Variants in ADCY10 observed in about 807,000 individuals in gnomAD.
ADCY10 encodes adenylate cyclase 10, also known as adenylate cyclase type 10.
ADCY10 carries 156 observed loss-of-function variants against 183.3 expected under a neutral mutation model. That is an observed-to-expected ratio of 0.85 (90% confidence interval 0.75 to 0.97). The LOEUF (loss-of-function observed/expected upper bound fraction) is 0.97. ADCY10 is among the 50% of genes least tolerant of loss of function. The probability of loss-of-function intolerance (pLI) is 0.00; values close to 1 mark genes in which losing one functional copy is unlikely to be tolerated. For synonymous variants in ADCY10, 645 were observed against 670.0 expected (o/e 0.96, Z 0.58); for missense variants, 1,745 against 1,934.3 (o/e 0.90, Z 1.84).
intron 1 of ADCY10, among the ~76,000 whole-genome samples, chr1:167,910,999 C>T (rs73024112): frequency 0.08 from 12,246 of 152,270 alleles, 581 homozygotes; most frequent in Middle Eastern, 0.11. Context: ...GGCAATACCA[C>T]ACTCTCCTCA....
chr1:167,908,639 AC>A (rs1284140659), intron 1 of ADCY10, among the ~76,000 whole-genome samples: 1 of 152,240 alleles, frequency 6.6e-6, no homozygotes, highest in Non-Finnish European at 1.5e-5. Flanking sequence ...ATATATTAAA[AC>A]ATCACATTGT....
At position 167,870,314 on chromosome 1, in the gene ADCY10, T is replaced by C. The variant is rs1421126739; in HGVS notation, c.1559A>G (p.Tyr520Cys). 10 of 1,614,002 alleles carry C rather than the reference T, an allele frequency of 6.2e-6. No homozygotes were observed. The highest frequency in any genetic ancestry group is 8.5e-6 in the Non-Finnish European group (10 of 1,180,026). The change falls in exon 14 of 33, where the codon TAT (tyrosine) becomes TGT (cysteine). Residue 520 changes from tyrosine (Y) to cysteine (C), a missense_variant. By Grantham distance (194) the Tyr-to-Cys change is radical. Transcript: ENST00000367851. ...TTTCATAAGTATCTGGCTTTTTCCA[T>C]ATCCTGGTAATCCCTCATACATTAA... ...QVLMYEGLPG[Y>C]GKSQILMKIE...
rs758043012 is a variant in ADCY10, at chr1:167,856,281, G to A, written c.2055C>T (p.Ala685=). 1.4e-5 allele frequency: 22 copies of A among 1,613,706 alleles called. No individual in the cohort carries two copies. The highest frequency in any genetic ancestry group is 1.6e-4 in the Middle Eastern group (1 of 6,080). Residue 685 remains alanine (A), a synonymous_variant, in exon 17 of 33, where the codon GCC becomes GCT. Transcript: ENST00000367851. ...AGGTGGTGTTCCTGTTCTTTATTAC[G>A]GCCCTGGCAGCTGCACAGGGAATGT... is the stretch of plus-strand genomic sequence containing the variant. The part of the protein sequence containing the change: ...FVNIPCAAAR[A]VIKNRNTTYI...
chr1:167,904,952 G>GTTGCTCA, intron 2 of ADCY10, 41 bp downstream of exon 2: 1 of 1,614,006 alleles, frequency 6.2e-7, no homozygotes, highest in Non-Finnish European at 8.5e-7. Flanking sequence ...ACGCGAGCCT[G>GTTGCTCA]TTGCTCATCC....
rs140966858 is a variant in ADCY10 at position 167,842,469 on chromosome 1, G to A, written c.3007+3094C>T. Among the ~76,000 whole-genome samples the A allele has an allele frequency of 3.9e-4, 60 of 152,078 alleles. 3 individuals are homozygous for A. In the East Asian group the frequency reaches 0.011, roughly 28 times the overall value. On this transcript the variant is annotated intron_variant, in intron 21 of 32. Transcript: ENST00000367851. ...AGCCACCACACTTGGTCCCAATTAT[G>A]TCCTTGACCAGTATTGCCTAAAGGT...
intron 8 of ADCY10, among the ~76,000 whole-genome samples, chr1:167,883,883 A>G (rs1249871588): frequency 3.3e-5 from 5 of 152,222 alleles, no homozygotes; most frequent in Non-Finnish European, 5.9e-5. Flanking sequence ...TGGCTTCCTC[A>G]TGCCAATATG....
intron 14 of ADCY10, among the ~76,000 whole-genome samples, chr1:167,868,581 A>G (rs894052698): frequency 3.3e-5 from 5 of 152,052 alleles, no homozygotes; most frequent in Non-Finnish European, 5.9e-5. Context: ...ACTAGGCTAT[A>G]CTGGATACGT....
chr1:167,878,075 CTT>C (rs1306259365), intron 12 of ADCY10, among the ~76,000 whole-genome samples: 7 of 152,192 alleles, frequency 4.6e-5, no homozygotes, highest in Non-Finnish European at 8.8e-5. Flanking sequence ...ATCTTATACT[CTT>C]TTAACCCTAA....
chr1:167,890,993 G>A (rs1479721196), intron 8 of ADCY10, among the ~76,000 whole-genome samples: 5 of 151,922 alleles, frequency 3.3e-5, no homozygotes, highest in African/African-American at 7.3e-5. Context: ...ACAGAGTCTC[G>A]CTCTGTCACC....
chr1:167,864,845 C>A (rs1397072003), intron 14 of ADCY10, among the ~76,000 whole-genome samples: 1 of 149,136 alleles, frequency 6.7e-6, no homozygotes, highest in Non-Finnish European at 1.5e-5. Context: ...CAGTAACCCA[C>A]GGATGGCCCA....
At chr1:167,896,738 T>A in intron 6 of ADCY10, 47 bp from the exon 7 acceptor site, 1 of 1,326,088 alleles carries the variant, frequency 7.5e-7, no homozygotes, top group Non-Finnish European at 1.1e-6. Context: ...GAGAACTGTT[T>A]AATCCTTTGA....
rs1664221144 is a variant in ADCY10, at chr1:167,836,610, C to G, written c.3078-70G>C. 3 of 1,162,874 alleles carry G rather than the reference C, an allele frequency of 2.6e-6. No homozygotes were observed. The Admixed American group carries it at 5.3e-5, about 20-fold the overall frequency. 72.0% of individuals were successfully genotyped at this position (1,162,874 alleles called of 1,614,324 possible). The stretch of plus-strand genomic sequence containing the variant: ...CTTTTGATATTAAAATATCTTTAGG[C>G]CAGACGCGGTGGCTCACGCCTGTAA... On this transcript the variant is annotated intron_variant, in intron 22 of 32. Transcript: ENST00000367851.
At chr1:167,833,189 GA>G in intron 24 of ADCY10, 27 bp from the exon 25 acceptor site, 2 of 1,603,798 alleles carry the variant, frequency 1.2e-6, no homozygotes, top group South Asian at 1.1e-5. Flanking sequence ...GGGAAGAGAG[GA>G]AAAGAGGAAA....
At position 167,848,264 on chromosome 1, in the gene ADCY10, T is replaced by C. The variant is rs900440802; in HGVS notation, c.2437+97A>G. ...CGGGGTTTCACCATATTGGCCAGGC[T>C]GGTCTCAAACTCCTGACCTTGTGAT... On this transcript the variant is annotated intron_variant, in intron 19 of 32. Transcript: ENST00000367851. The C allele has an allele frequency of 9.2e-6, 9 of 980,080 alleles. No homozygotes were observed. In the African/African-American group the frequency reaches 1.1e-4, roughly 12 times the overall value. The allele number at this position is 980,080 out of a possible 1,614,324, so 60.7% of individuals were successfully genotyped here.
chr1:167,864,637 TAGAG>T (rs913261019), intron 14 of ADCY10, among the ~76,000 whole-genome samples: 15 of 151,066 alleles, frequency 9.9e-5, no homozygotes, highest in African/African-American at 3.7e-4. Flanking sequence ...GAAAGAAAAA[TAGAG>T]AGAAATATCC....
rs754735955 is a variant in ADCY10, at chr1:167,846,044, T to C, written c.2657A>G (p.Asn886Ser). ...GKELQKALKQ[N>S]DPSFEVHYRS... ...ATAGTGCACCTCAAATGAGGGATCA[T>C]TCTGTTTCAGGGCCTTTTGAAGCTC... Residue 886 changes from asparagine (N) to serine (S), a missense_variant, in exon 20 of 33, where the codon AAT becomes AGT. Transcript: ENST00000367851. The C allele has an allele frequency of 6.2e-7, 1 of 1,614,242 alleles. No individual in the cohort carries two copies. The highest frequency in any genetic ancestry group is 8.5e-7 in the Non-Finnish European group (1 of 1,180,036).
At chr1:167,863,765 C>T (rs1666468037) in intron 14 of ADCY10, among the ~76,000 whole-genome samples, 1 of 152,208 alleles carries the variant, frequency 6.6e-6, no homozygotes, top group Non-Finnish European at 1.5e-5. Flanking sequence ...TGTGGCAGGC[C>T]CCCGTGGAGG....
At chr1:167,852,402 C>A (rs1209725915) in intron 18 of ADCY10, among the ~76,000 whole-genome samples, 1 of 152,058 alleles carries the variant, frequency 6.6e-6, no homozygotes, top group Non-Finnish European at 1.5e-5. Context: ...CGAGATCGTT[C>A]CACTGCACCC....
intron 14 of ADCY10, among the ~76,000 whole-genome samples, chr1:167,869,534 C>G (rs1472890293): frequency 6.6e-6 from 1 of 152,166 alleles, no homozygotes; most frequent in Non-Finnish European, 1.5e-5. Context: ...GAACCAGACC[C>G]GAAACCAGGC....
Sources: allele counts gnomAD v4.1 joint callset (sites outside exome capture counted in the v4.1 genomes callset), GRCh38; gene constraint gnomAD v4.1.1; transcripts MANE v1.5; gene names NCBI Gene and HGNC (gene_info 2026-07-23, HGNC 2026-07-21).